Variants in EXOC6B observed in about 807,000 individuals in gnomAD.
The protein encoded by EXOC6B is exocyst complex component 6B, also known as SEC15 homolog B.
EXOC6B carries 54 observed loss-of-function variants against 113.5 expected under a neutral mutation model. The ratio of observed to expected loss-of-function variants is 0.48; its 90% confidence interval spans 0.38 to 0.60. The LOEUF is 0.60. EXOC6B is among the 20% of genes least tolerant of loss of function. EXOC6B has a pLI of 0.00. For synonymous variants in EXOC6B, 357 were observed against 339.0 expected (o/e 1.05, Z -0.58); for missense variants, 797 against 977.5 (o/e 0.82, Z 2.46).
intron 6 of EXOC6B, among the ~76,000 whole-genome samples, chr2:72,671,271 G>T (rs566400184): frequency 6.6e-6 from 1 of 152,270 alleles, no homozygotes; most frequent in South Asian, 2.1e-4. Context: ...TATCTGACAA[G>T]GGACTAATAA....
chr2:72,441,837 T>C (rs979737773), intron 18 of EXOC6B, among the ~76,000 whole-genome samples: 11 of 152,134 alleles, frequency 7.2e-5, no homozygotes, highest in African/African-American at 2.4e-4. Flanking sequence ...AAGAAGAGCA[T>C]GTACCATTCC....
chr2:72,294,081 A>C (rs905086778), intron 20 of EXOC6B, among the ~76,000 whole-genome samples: 2 of 152,010 alleles, frequency 1.3e-5, no homozygotes, highest in African/African-American at 4.8e-5. Context: ...AACCAGTGAA[A>C]AAAAAAAAAC....
chr2:72,605,299 GA>G (rs770662213), intron 6 of EXOC6B, among the ~76,000 whole-genome samples: 3 of 143,758 alleles, frequency 2.1e-5, no homozygotes, highest in Admixed American at 6.9e-5. Flanking sequence ...AAAAAAAAAG[GA>G]AAAAAAAAAG....
At chr2:72,685,919 T>A (rs1677056164) in intron 6 of EXOC6B, among the ~76,000 whole-genome samples, 1 of 152,220 alleles carries the variant, frequency 6.6e-6, no homozygotes, top group Non-Finnish European at 1.5e-5. Flanking sequence ...AAATGTTTTT[T>A]ATGGAAATCA....
At chr2:72,816,184 A>C (rs569682663) in intron 1 of EXOC6B, among the ~76,000 whole-genome samples, 62 of 152,272 alleles carry the variant, frequency 4.1e-4, no homozygotes, top group Non-Finnish European at 8.5e-4. Context: ...AAAAAAAGAA[A>C]TGTGCAATAA....
intron 6 of EXOC6B, among the ~76,000 whole-genome samples, chr2:72,647,818 A>T (rs559468501): frequency 2.0e-5 from 3 of 152,258 alleles, no homozygotes; most frequent in Non-Finnish European, 2.9e-5. Context: ...ACCTAAAACC[A>T]TAAAAATCCT....
chr2:72,784,637 C>T (rs571834284), intron 1 of EXOC6B, among the ~76,000 whole-genome samples: 4 of 152,210 alleles, frequency 2.6e-5, no homozygotes, highest in Admixed American at 6.5e-5. Context: ...CATCACATCT[C>T]GTGAGACTTA....
At chr2:72,554,830 C>T (rs890407274) in intron 8 of EXOC6B, among the ~76,000 whole-genome samples, 55 of 151,382 alleles carry the variant, frequency 3.6e-4, no homozygotes, top group African/African-American at 1.3e-3. Flanking sequence ...TAGCTATACA[C>T]GTGCCATGTT....
chr2:72,770,028 G>A (rs1206216884), intron 1 of EXOC6B, among the ~76,000 whole-genome samples: 1 of 151,988 alleles, frequency 6.6e-6, no homozygotes, highest in Admixed American at 6.6e-5. Context: ...AAAGTCTATA[G>A]AGCTAAAATT....
rs1677717034 is a variant in EXOC6B, at chr2:72,176,181, C to G, written c.*3154G>C. On this transcript the variant is annotated 3_prime_UTR_variant, in exon 22 of 22. Coordinates refer to ENST00000272427, the MANE Select transcript of EXOC6B (RefSeq NM_015189.3). Reference sequence around the variant, plus strand: ...TAAAAATGGACTTTCCTAATTTTCTCTATATATGTGCAACTATCTGTGTAA... The same window carrying G: ...TAAAAATGGACTTTCCTAATTTTCTGTATATATGTGCAACTATCTGTGTAA... 6.7e-6 allele frequency: 1 copy of G among 149,438 alleles called. No homozygotes were observed. The highest frequency in any genetic ancestry group is 2.0e-4 in the East Asian group (1 of 5,008). 9.3% of individuals were successfully genotyped at this position (149,438 alleles called of 1,614,324 possible).
chr2:72,353,382 G>A (rs527573889), intron 19 of EXOC6B, among the ~76,000 whole-genome samples: 3 of 151,868 alleles, frequency 2.0e-5, no homozygotes, highest in South Asian at 4.2e-4. Flanking sequence ...GTATTGTATC[G>A]TATTTTTGAG....
chr2:72,516,903 C>T (rs1701237793), intron 8 of EXOC6B, among the ~76,000 whole-genome samples: 1 of 152,102 alleles, frequency 6.6e-6, no homozygotes, highest in Non-Finnish European at 1.5e-5. Context: ...AAAGTAAAAG[C>T]CCTGCCCACC....
At chr2:72,391,050 T>C (rs1297297778) in intron 18 of EXOC6B, among the ~76,000 whole-genome samples, 1 of 152,234 alleles carries the variant, frequency 6.6e-6, no homozygotes, top group Non-Finnish European at 1.5e-5. Context: ...CCAGTATTGC[T>C]ATGCTTTGCC....
chr2:72,584,882 A>T (rs1301704661), intron 6 of EXOC6B, among the ~76,000 whole-genome samples: 1 of 152,226 alleles, frequency 6.6e-6, no homozygotes, highest in Non-Finnish European at 1.5e-5. Flanking sequence ...AATTACATAG[A>T]AATTAAACAA....
At chr2:72,793,922 G>A (rs988715921) in intron 1 of EXOC6B, among the ~76,000 whole-genome samples, 2 of 152,140 alleles carry the variant, frequency 1.3e-5, no homozygotes, top group African/African-American at 4.8e-5. Context: ...TAAAAGGGAA[G>A]AGAAGAGTAT....
chr2:72,217,139 T>C (rs1214782389), intron 20 of EXOC6B, among the ~76,000 whole-genome samples: 1 of 152,186 alleles, frequency 6.6e-6, no homozygotes, highest in Non-Finnish European at 1.5e-5. Context: ...ACTAAAGGTT[T>C]ACACTGTGTG....
intron 1 of EXOC6B, among the ~76,000 whole-genome samples, chr2:72,790,081 GA>G (rs1684593121): frequency 6.6e-6 from 1 of 152,084 alleles, no homozygotes; most frequent in African/African-American, 2.4e-5. Context: ...GGCTGACTAG[GA>G]AAAAGAATTC....
chr2:72,569,070 G>A (rs763219057), intron 7 of EXOC6B, among the ~76,000 whole-genome samples: 21 of 151,900 alleles, frequency 1.4e-4, no homozygotes, highest in South Asian at 2.1e-4. Flanking sequence ...AAAACAGAAC[G>A]TCTAAAGCAT....
At chr2:72,385,323 GTCCC>G (rs1691937334) in intron 18 of EXOC6B, among the ~76,000 whole-genome samples, 2 of 151,862 alleles carry the variant, frequency 1.3e-5, no homozygotes, top group African/African-American at 4.8e-5. Context: ...AATGAAATTA[GTCCC>G]TCATCTCACA....
Sources: allele counts gnomAD v4.1 joint callset (sites outside exome capture counted in the v4.1 genomes callset), GRCh38; gene constraint gnomAD v4.1.1; transcripts MANE v1.5; gene names NCBI Gene and HGNC (gene_info 2026-07-23, HGNC 2026-07-21).